The following GTF2I variants were observed in gnomAD, a reference collection of about 807,000 sequenced individuals.
GTF2I encodes general transcription factor II-I.
A neutral mutation model predicts 67.6 loss-of-function variants in GTF2I; 12 were observed. That is an observed-to-expected ratio of 0.18 (90% confidence interval 0.11 to 0.29). The LOEUF is 0.29. GTF2I is among the 10% of genes least tolerant of loss of function. The probability of loss-of-function intolerance (pLI) is 1.00; values close to 1 mark genes in which losing one functional copy is unlikely to be tolerated. For missense variants in GTF2I, 271 were observed against 580.1 expected (o/e 0.47, Z 5.47); for synonymous variants, 149 against 197.0 (o/e 0.76, Z 2.04).
intron 1 of GTF2I, among the ~76,000 whole-genome samples, chr7:74,687,282 C>G (rs917178257): frequency 6.6e-6 from 1 of 151,608 alleles, no homozygotes; most frequent in African/African-American, 2.4e-5. Context: ...TGGAGTGCAG[C>G]AGCGCAATCT....
intron 9 of GTF2I, among the ~76,000 whole-genome samples, chr7:74,711,952 T>C (rs1554402646): frequency 6.7e-6 from 1 of 148,850 alleles, no homozygotes; most frequent in Non-Finnish European, 1.5e-5. Flanking sequence ...TTTCTCTCTT[T>C]TTTTTTTTTT....
chr7:74,663,734 T>C (rs1195256334), intron 1 of GTF2I, among the ~76,000 whole-genome samples: 1 of 152,222 alleles, frequency 6.6e-6, no homozygotes, highest in African/African-American at 2.4e-5. Flanking sequence ...TGAAGACTCA[T>C]ACTCGGTTAA....
chr7:74,695,525 C>A (rs1371210726), intron 3 of GTF2I, among the ~76,000 whole-genome samples: 2 of 152,086 alleles, frequency 1.3e-5, no homozygotes, highest in Non-Finnish European at 2.9e-5. Flanking sequence ...CTTCTGATGT[C>A]AGTTTAGATT....
rs1804668450 is a variant in GTF2I, at chr7:74,663,185, A to C, written c.-6+5117A>C. On this transcript the variant is annotated intron_variant, in intron 1 of 34. Coordinates refer to ENST00000573035, the MANE Select transcript of GTF2I (RefSeq NM_032999.4). The stretch of plus-strand genomic sequence containing the variant: ...GTTTTATATAAACATGAGTTTTTGC[A>C]ATATGCTTCATAACTGGGGTGGTAT... 2.0e-5 allele frequency among the ~76,000 whole-genome samples: 3 copies of C among 152,162 alleles called. No individual in the cohort carries two copies. The South Asian group carries it at 6.2e-4, about 31-fold the overall frequency.
intron 12 of GTF2I, among the ~76,000 whole-genome samples, chr7:74,725,778 A>G (rs1364654134): frequency 6.6e-6 from 1 of 151,188 alleles, no homozygotes; most frequent in African/African-American, 2.4e-5. Context: ...TATCCCTGAT[A>G]TTTTCAATAT....
chr7:74,687,056 A>G (rs1177900041), intron 1 of GTF2I, among the ~76,000 whole-genome samples: 18 of 151,208 alleles, frequency 1.2e-4, no homozygotes, highest in African/African-American at 2.9e-4. Context: ...ATGCCTGGCT[A>G]ATTTTTGTAT....
At chr7:74,750,319 C>T (rs1190616171) in intron 26 of GTF2I, among the ~76,000 whole-genome samples, 3 of 107,806 alleles carry the variant, frequency 2.8e-5, no homozygotes, top group African/African-American at 2.6e-5. Context: ...TAGCTGGCAC[C>T]TATAATCTCA....
At position 74,725,148 on chromosome 7, in the gene GTF2I, A is replaced by G. The variant is rs78205286; in HGVS notation, c.944-3638A>G. ...GTTGATGTTTTATGCTTCAGAGTAA[A>G]AAGTAATTTTGATCCTTTGTGGAAA... On this transcript the variant is annotated intron_variant, in intron 12 of 34. Coordinates refer to ENST00000573035, the MANE Select transcript of GTF2I (RefSeq NM_032999.4). Among the ~76,000 whole-genome samples the G allele has an allele frequency of 3.1e-4, 47 of 152,250 alleles. No individual in the cohort carries two copies. The East Asian group carries it at 8.9e-3, about 29-fold the overall frequency.
chr7:74,750,290 A>T (rs1287275931), intron 26 of GTF2I, among the ~76,000 whole-genome samples: 1 of 112,294 alleles, frequency 8.9e-6, no homozygotes, highest in African/African-American at 2.6e-5. Flanking sequence ...AAAAAAAAAA[A>T]AAAAATAGCC....
chr7:74,716,231 T>C (rs1336134051), intron 10 of GTF2I, among the ~76,000 whole-genome samples: 1 of 152,146 alleles, frequency 6.6e-6, no homozygotes. Flanking sequence ...GTAAAACTTC[T>C]GCTCTAGTAG....
At chr7:74,680,099 A>AAATATAT in intron 1 of GTF2I, among the ~76,000 whole-genome samples, 1 of 94,998 alleles carries the variant, frequency 1.1e-5, no homozygotes, top group African/African-American at 4.0e-5. Flanking sequence ...AAAAAAAAAA[A>AAATATAT]ATATATATAT....
At chr7:74,691,488 G>T (rs587707144) in intron 3 of GTF2I, among the ~76,000 whole-genome samples, 1 of 152,194 alleles carries the variant, frequency 6.6e-6, no homozygotes, top group Non-Finnish European at 1.5e-5. Context: ...GATTATAGGC[G>T]TGGGCCACTG....
chr7:74,719,120 A>G (rs1554404108), intron 12 of GTF2I, among the ~76,000 whole-genome samples, 179 bp downstream of exon 12: 1 of 152,240 alleles, frequency 6.6e-6, no homozygotes, highest in Non-Finnish European at 1.5e-5. Context: ...TAGATGACAG[A>G]ATGAGGCCGT....
chr7:74,670,746 G>C (rs1441612957), intron 1 of GTF2I, among the ~76,000 whole-genome samples: 3 of 149,724 alleles, frequency 2.0e-5, no homozygotes, highest in Non-Finnish European at 3.0e-5. Flanking sequence ...AAGTAAAGAT[G>C]GACCTTTAGA....
chr7:74,685,235 C>T lies in GTF2I; in HGVS notation c.-5-3889C>T, dbSNP rs111260128. 5.7e-3 allele frequency among the ~76,000 whole-genome samples: 871 copies of T among 152,332 alleles called. 10 individuals carry two copies. Among genetic ancestry groups the T allele is most frequent in the African/African-American group, 0.02 (826 of 41,564 alleles). On this transcript the variant is annotated intron_variant, in intron 1 of 34. Transcript: ENST00000573035. ...AAATGACGACTTGCCCTGCCGGGCT[C>T]CAGTAATCCCAGTACTTTGGGAGGC...
At chr7:74,711,577 C>A (rs587618947) in intron 9 of GTF2I, among the ~76,000 whole-genome samples, 2 of 152,178 alleles carry the variant, frequency 1.3e-5, no homozygotes, top group South Asian at 4.1e-4. Flanking sequence ...TTTCCTGTGT[C>A]CCCTTGTTAT....
intron 1 of GTF2I, among the ~76,000 whole-genome samples, chr7:74,683,064 G>A (rs1421150065): frequency 1.3e-5 from 2 of 152,162 alleles, no homozygotes; most frequent in African/African-American, 4.8e-5. Flanking sequence ...GTGAGTCCCA[G>A]TAGGATAGGA....
intron 3 of GTF2I, 97 bp from the exon 4 acceptor site, chr7:74,698,864 G>C: frequency 2.1e-6 from 1 of 469,354 alleles, no homozygotes; most frequent in Non-Finnish European, 3.5e-6. Context: ...TCCCTGTTAG[G>C]ATACAGGAAA....
intron 6 of GTF2I, among the ~76,000 whole-genome samples, chr7:74,700,871 CACTT>C (rs1789635124): frequency 6.6e-6 from 1 of 152,236 alleles, no homozygotes; most frequent in Admixed American, 6.5e-5. Flanking sequence ...CATCTGCCCT[CACTT>C]ACCAGAATTA....
Sources: gnomAD v4.1 joint callset for allele counts (sites outside exome capture counted in the v4.1 genomes callset) on GRCh38, gnomAD v4.1.1 for gene constraint, MANE v1.5 for transcripts, NCBI Gene and HGNC (gene_info 2026-07-23, HGNC 2026-07-21) for gene names.